Variants in MMP26 observed in about 807,000 individuals in gnomAD.
MMP26 encodes the protein matrix metalloproteinase-26.
MMP26 carries 33 observed loss-of-function variants against 31.0 expected under a neutral mutation model. The ratio of observed to expected loss-of-function variants is 1.06; its 90% CI spans 0.81 to 1.42. The LOEUF (loss-of-function observed/expected upper bound fraction) is 1.42, where lower values mean the gene tolerates loss of function less well. Ranked by LOEUF, MMP26 falls within the 40% of genes most tolerant of loss-of-function variation. MMP26 has a pLI of 0.00. For synonymous variants in MMP26, 122 were observed against 114.9 expected (o/e 1.06, Z -0.40); for missense variants, 347 against 316.1 (o/e 1.10, Z -0.74).
chr11:4,882,239 T>G (rs905649476), intron 2 of MMP26: 1 of 1,613,804 alleles, frequency 6.2e-7, no homozygotes, highest in Non-Finnish European at 8.5e-7. Context: ...CTTGCTGGAG[T>G]CCTCGGTGCT....
chr11:4,832,688 T>C (rs1032671397), intron 2 of MMP26: 1 of 196,346 alleles, frequency 5.1e-6, no homozygotes, highest in South Asian at 1.1e-4. Flanking sequence ...CAGGATGTAA[T>C]GAAGCTGGCC....
At chr11:4,769,951 T>A in intron 2 of MMP26, 2 of 1,096,118 alleles carry the variant, frequency 1.8e-6, no homozygotes, top group Non-Finnish European at 2.8e-6. Flanking sequence ...GTCCTCACAA[T>A]GCTTCCATCC....
intron 2 of MMP26, chr11:4,943,733 C>G (rs1052185901): frequency 8.5e-6 from 3 of 354,186 alleles, no homozygotes; most frequent in African/African-American, 4.3e-5. Context: ...AGATTTTAAT[C>G]CTCCAAAAAC....
rs560701649 is a variant in MMP26 at position 4,811,954 on chromosome 11, A to T, written c.-145+44613A>T. On this transcript the variant is annotated intron_variant, in intron 2 of 7. Transcript: ENST00000380390. ...TTTCCAAAACTGGTACCTCTCCAGG[A>T]TGCACTGAGGACTCTAAATGTGGCT... is the stretch of plus-strand genomic sequence containing the variant. Among the ~76,000 whole-genome samples, 14 of 152,282 alleles carry T rather than the reference A, an allele frequency of 9.2e-5. 1 individual carries two copies. In the South Asian group the frequency reaches 2.7e-3, roughly 29 times the overall value.
chr11:4,884,279 G>A (rs1297593078), intron 2 of MMP26, among the ~76,000 whole-genome samples: 1 of 152,006 alleles, frequency 6.6e-6, no homozygotes, highest in African/African-American at 2.4e-5. Context: ...GTAAAATTCG[G>A]TTTTTCAAAC....
intron 2 of MMP26, among the ~76,000 whole-genome samples, chr11:4,905,806 G>A (rs534904042): frequency 3.3e-4 from 50 of 152,192 alleles, no homozygotes; most frequent in African/African-American, 1.1e-3. Context: ...AAAACTTGAT[G>A]ATAAGTTGCA....
chr11:4,789,407 C>G (rs886366186), intron 2 of MMP26, among the ~76,000 whole-genome samples: 4 of 151,270 alleles, frequency 2.6e-5, no homozygotes, highest in Non-Finnish European at 5.9e-5. Context: ...CCAGAAGATG[C>G]TGGTAGCAGG....
intron 2 of MMP26, among the ~76,000 whole-genome samples, chr11:4,780,229 T>C (rs1336064422): frequency 6.6e-6 from 1 of 152,164 alleles, no homozygotes; most frequent in East Asian, 1.9e-4. Flanking sequence ...AAATTTCTAG[T>C]TCATAAGGAA....
intron 2 of MMP26, among the ~76,000 whole-genome samples, chr11:4,891,217 C>T (rs1051628559): frequency 2.0e-5 from 3 of 152,000 alleles, no homozygotes; most frequent in Non-Finnish European, 2.9e-5. Flanking sequence ...TTAATTGGAT[C>T]GTGGTTCTGC....
intron 2 of MMP26, chr11:4,769,697 C>T: frequency 6.2e-7 from 1 of 1,612,974 alleles, no homozygotes; most frequent in Non-Finnish European, 8.5e-7. Context: ...AACAGTCAAG[C>T]CCAGATCAGT....
At chr11:4,741,634 A>G (rs1485195952) in intron 1 of MMP26, among the ~76,000 whole-genome samples, 1 of 115,598 alleles carries the variant, frequency 8.7e-6, no homozygotes, top group African/African-American at 3.3e-5. Flanking sequence ...AACAACACAC[A>G]TGAGGCCTGT....
chr11:4,882,714 G>T, intron 2 of MMP26: 1 of 1,613,914 alleles, frequency 6.2e-7, no homozygotes, highest in Non-Finnish European at 8.5e-7. Context: ...TCCACCCCAA[G>T]GGTGCTCTGT....
In MMP26 at chr11:4,882,448, C is replaced by A. The variant is rs756626375; in HGVS notation, c.-144-105620C>A. The A allele has an allele frequency of 4.8e-5, 77 of 1,613,840 alleles. No individual in the cohort carries two copies. The Admixed American group carries it at 1.3e-3, about 27-fold the overall frequency. ...AGCTTTCCCATCCATTTTGCTACCA[C>A]CCAGAAGTGATCAAATACACATATT... On this transcript the variant is annotated intron_variant, in intron 2 of 7. Transcript: ENST00000380390.
At chr11:4,766,773 G>C (rs187212334) in intron 1 of MMP26, among the ~76,000 whole-genome samples, 12 of 119,854 alleles carry the variant, frequency 1.0e-4, no homozygotes, top group Non-Finnish European at 1.6e-4. Context: ...TTCCTCCCAC[G>C]GTTTCTCTCT....
intron 1 of MMP26, among the ~76,000 whole-genome samples, chr11:4,766,933 C>G (rs1360842258): frequency 6.6e-6 from 1 of 151,966 alleles, no homozygotes; most frequent in Non-Finnish European, 1.5e-5. Context: ...ATCTATCTTT[C>G]TGATGTTCCA....
chr11:4,904,070 C>T (rs1850845042), intron 2 of MMP26, among the ~76,000 whole-genome samples: 2 of 152,152 alleles, frequency 1.3e-5, no homozygotes, highest in African/African-American at 2.4e-5. Flanking sequence ...ATATAAATTA[C>T]TCTTGTCCAA....
intron 2 of MMP26, among the ~76,000 whole-genome samples, chr11:4,813,459 C>G (rs1461448749): frequency 6.6e-6 from 1 of 151,896 alleles, no homozygotes; most frequent in Non-Finnish European, 1.5e-5. Flanking sequence ...AACTCCTGGG[C>G]TCAAGCTATC....
chr11:4,843,046 CT>C (rs1333669580), intron 2 of MMP26, among the ~76,000 whole-genome samples: 1 of 152,230 alleles, frequency 6.6e-6, no homozygotes, highest in Non-Finnish European at 1.5e-5. Flanking sequence ...CCAGGGCATG[CT>C]GATGCAAGGC....
At chr11:4,778,268 A>T (rs1375985665) in intron 2 of MMP26, among the ~76,000 whole-genome samples, 1 of 152,084 alleles carries the variant, frequency 6.6e-6, no homozygotes, top group Non-Finnish European at 1.5e-5. Flanking sequence ...CTTTTAAGAA[A>T]TGCCTCTCCA....
Sources: gnomAD v4.1 joint callset for allele counts (sites outside exome capture counted in the v4.1 genomes callset) on GRCh38, gnomAD v4.1.1 for gene constraint, MANE v1.5 for transcripts, NCBI Gene and HGNC (gene_info 2026-07-23, HGNC 2026-07-21) for gene names.